ACBD6: variants seen among roughly 807,000 people sequenced by gnomAD.
ACBD6 encodes acyl-CoA-binding domain-containing protein 6.
In ACBD6, 28 loss-of-function variants were observed where a neutral mutation model predicts 37.2. The ratio of observed to expected loss-of-function variants is 0.75; its 90% confidence interval spans 0.56 to 1.03. ACBD6 has a LOEUF of 1.03. Among genes scored for constraint, ACBD6 ranks in the 50% least tolerant of loss-of-function variants. ACBD6 has a pLI of 0.00. For synonymous variants in ACBD6, 113 were observed against 126.8 expected (o/e 0.89, Z 0.73); for missense variants, 340 against 337.4 (o/e 1.01, Z -0.06).
chr1:180,448,462 C>T (rs1211082031), intron 3 of ACBD6, among the ~76,000 whole-genome samples: 2 of 151,892 alleles, frequency 1.3e-5, no homozygotes, highest in African/African-American at 4.8e-5. Context: ...AAATTTTGGC[C>T]CCTAGGATAC....
At chr1:180,281,295 G>C (rs965399590) in intron 9 of ACBD6, 11 of 152,196 alleles carry the variant, frequency 7.2e-5, no homozygotes, top group African/African-American at 2.4e-4. Context: ...AAAGAAGTAA[G>C]CAAGACTCAC....
At chr1:180,308,588 A>T (rs1351738623) in intron 7 of ACBD6, among the ~76,000 whole-genome samples, 1 of 152,194 alleles carries the variant, frequency 6.6e-6, no homozygotes, top group Non-Finnish European at 1.5e-5. Flanking sequence ...TCTTCTTTTT[A>T]CCAATAGGCC....
chr1:180,415,076 CA>C (rs947808135), intron 4 of ACBD6, among the ~76,000 whole-genome samples: 1 of 148,844 alleles, frequency 6.7e-6, no homozygotes, highest in Admixed American at 6.7e-5. Context: ...GACTCCATCT[CA>C]AAAAAATAAA....
intron 6 of ACBD6, among the ~76,000 whole-genome samples, chr1:180,367,608 T>C (rs1341891507): frequency 1.3e-5 from 2 of 152,214 alleles, no homozygotes; most frequent in African/African-American, 2.4e-5. Flanking sequence ...ATTCTCATTA[T>C]ATAGCTCCCA....
chr1:180,345,785 T>C (rs1158071117), intron 6 of ACBD6, among the ~76,000 whole-genome samples: 4 of 152,208 alleles, frequency 2.6e-5, no homozygotes, highest in Non-Finnish European at 5.9e-5. Context: ...AAAAGCACTG[T>C]ATATTTAAAA....
chr1:180,498,044 C>T (rs1053520713), intron 1 of ACBD6, among the ~76,000 whole-genome samples: 17 of 152,202 alleles, frequency 1.1e-4, no homozygotes, highest in Non-Finnish European at 2.4e-4. Context: ...TTTACCAACA[C>T]ATAATTTGTA....
chr1:180,369,724 C>G (rs186382959), intron 6 of ACBD6, among the ~76,000 whole-genome samples: 3 of 152,268 alleles, frequency 2.0e-5, no homozygotes, highest in Admixed American at 6.5e-5. Flanking sequence ...TAAGTCATGT[C>G]AACATGGGCA....
chr1:180,390,741 A>G (rs1654041673), intron 6 of ACBD6, among the ~76,000 whole-genome samples: 9 of 152,150 alleles, frequency 5.9e-5, no homozygotes, highest in Admixed American at 5.9e-4. Context: ...TTGTATTCCT[A>G]GGTATTTTAT....
rs539506556 is a variant in ACBD6 at position 180,350,196 on chromosome 1, T to C, written c.664-35474A>G. On this transcript the variant is annotated intron_variant, in intron 6 of 7. Coordinates refer to ENST00000367595, the MANE Select transcript of ACBD6 (RefSeq NM_032360.4). ...GCAGGCCATTATGCCTGGCTAAATA[T>C]TTTTTACTTGTATTAATAGAAAAGA... is the stretch of plus-strand genomic sequence containing the variant. Among the ~76,000 whole-genome samples the C allele has an allele frequency of 7.9e-5, 12 of 152,210 alleles. No homozygotes were observed. The East Asian group carries it at 2.1e-3, about 27-fold the overall frequency.
chr1:180,411,696 C>T (rs992281728), intron 5 of ACBD6, among the ~76,000 whole-genome samples: 3 of 152,166 alleles, frequency 2.0e-5, no homozygotes, highest in Admixed American at 1.3e-4. Flanking sequence ...GATGGAGTCT[C>T]GCTCTGTTGC....
At chr1:180,328,421 A>AT (rs60868560) in intron 6 of ACBD6, among the ~76,000 whole-genome samples, 99 of 146,378 alleles carry the variant, frequency 6.8e-4, no homozygotes, top group East Asian at 1.4e-3. Flanking sequence ...GTGTAACTGG[A>AT]TTTTTTTTTT....
intron 6 of ACBD6, among the ~76,000 whole-genome samples, chr1:180,345,300 A>G (rs1652137057): frequency 6.6e-6 from 1 of 152,184 alleles, no homozygotes; most frequent in Admixed American, 6.5e-5. Context: ...TTTCATTCAT[A>G]TTCTCATTCA....
At chr1:180,298,304 C>T (rs1354899721) in intron 7 of ACBD6, among the ~76,000 whole-genome samples, 1 of 152,162 alleles carries the variant, frequency 6.6e-6, no homozygotes, top group African/African-American at 2.4e-5. Flanking sequence ...GGACCTTTAG[C>T]AGTATCATGG....
intron 3 of ACBD6, among the ~76,000 whole-genome samples, chr1:180,479,088 G>A (rs903449749): frequency 2.0e-5 from 3 of 152,162 alleles, no homozygotes; most frequent in Non-Finnish European, 2.9e-5. Context: ...AGCTAGGATT[G>A]CACCACTGCA....
At chr1:180,440,077 C>A (rs1318274426) in intron 3 of ACBD6, among the ~76,000 whole-genome samples, 2 of 151,914 alleles carry the variant, frequency 1.3e-5, no homozygotes, top group Admixed American at 6.6e-5. Flanking sequence ...CAATGAATTA[C>A]CTGCTTTTGT....
intron 2 of ACBD6, among the ~76,000 whole-genome samples, chr1:180,494,981 G>A (rs188262907): frequency 2.7e-4 from 41 of 152,244 alleles, no homozygotes; most frequent in African/African-American, 9.4e-4. Flanking sequence ...AGTACTATAA[G>A]CAGTTATTTA....
chr1:180,383,200 G>A (rs1187539491), intron 6 of ACBD6, among the ~76,000 whole-genome samples: 3 of 152,078 alleles, frequency 2.0e-5, no homozygotes, highest in Non-Finnish European at 4.4e-5. Context: ...GAGCAATTAG[G>A]AAAGAGAAAG....
chr1:180,469,302 GT>G (rs1006002488), intron 3 of ACBD6, among the ~76,000 whole-genome samples: 1 of 152,096 alleles, frequency 6.6e-6, no homozygotes, highest in African/African-American at 2.4e-5. Flanking sequence ...AACATTGGTA[GT>G]TTTGAAAGTA....
intron 7 of ACBD6, among the ~76,000 whole-genome samples, chr1:180,292,892 A>G (rs1214944883): frequency 1.3e-5 from 2 of 151,424 alleles, no homozygotes; most frequent in Admixed American, 6.6e-5. Context: ...ACTATTTCCT[A>G]TTTCTATTTT....
Sources: gnomAD v4.1 joint callset for allele counts (sites outside exome capture counted in the v4.1 genomes callset) on GRCh38, gnomAD v4.1.1 for gene constraint, MANE v1.5 for transcripts, NCBI Gene and HGNC (gene_info 2026-07-23, HGNC 2026-07-21) for gene names.